OSBP2: variants seen among roughly 807,000 people sequenced by gnomAD.
OSBP2 encodes oxysterol-binding protein 2.
OSBP2 carries 66 observed loss-of-function variants against 96.0 expected under a neutral mutation model. The observed-to-expected ratio is 0.69, with a 90% CI of 0.56 to 0.84. The LOEUF is 0.84. OSBP2 is among the 40% of genes least tolerant of loss of function. The pLI is 0.00. For missense variants in OSBP2, 1,038 were observed against 1,222.7 expected (o/e 0.85, Z 2.25); for synonymous variants, 525 against 520.9 (o/e 1.01, Z -0.11).
intron 12 of OSBP2, among the ~76,000 whole-genome samples, chr22:30,900,392 T>C (rs996051077): frequency 1.3e-5 from 2 of 151,990 alleles, no homozygotes; most frequent in Admixed American, 6.6e-5. Flanking sequence ...GAGAAAGATA[T>C]AATGTTCACG....
chr22:30,889,249 G>A lies in OSBP2; in HGVS notation c.1476+15G>A. ...CAGCAGACAATGTAAGTGAGGGGGA[G>A]CACTGTAAGGGCCAGAAGGCAGCTT... On this transcript the variant is annotated intron_variant, in intron 6 of 13. Transcript: ENST00000332585. 6.2e-7 allele frequency: 1 copy of A among 1,610,734 alleles called. No individual in the cohort carries two copies. Among genetic ancestry groups the A allele is most frequent in the South Asian group, 1.1e-5 (1 of 90,900 alleles).
At chr22:30,730,761 T>TC (rs1406347994) in intron 1 of OSBP2, among the ~76,000 whole-genome samples, 4 of 46,588 alleles carry the variant, frequency 8.6e-5, no homozygotes, top group South Asian at 1.1e-3. Context: ...TCTCTCTCTC[T>TC]CTCTCTCTCT....
At chr22:30,792,480 C>T (rs189202625) in intron 2 of OSBP2, among the ~76,000 whole-genome samples, 25 of 152,196 alleles carry the variant, frequency 1.6e-4, no homozygotes, top group East Asian at 5.8e-4. Context: ...TACAGGCCCA[C>T]GGGTAAAAAG....
At chr22:30,834,479 C>T (rs2038592250) in intron 2 of OSBP2, among the ~76,000 whole-genome samples, 1 of 152,198 alleles carries the variant, frequency 6.6e-6, no homozygotes. Context: ...ATTCCAGTTC[C>T]TCTAAATCCT....
At chr22:30,812,655 C>G (rs889568881) in intron 2 of OSBP2, among the ~76,000 whole-genome samples, 2 of 152,118 alleles carry the variant, frequency 1.3e-5, no homozygotes, top group Admixed American at 1.3e-4. Flanking sequence ...AGTGGAATTG[C>G]TATGTTACAA....
Position 30,843,007 on chromosome 22 carries a change from C to G in OSBP2, c.854-27422C>G, listed in dbSNP as rs552657286. 8.5e-5 allele frequency among the ~76,000 whole-genome samples: 13 copies of G among 152,266 alleles called. No homozygotes were observed. In the East Asian group the frequency reaches 2.5e-3, roughly 29 times the overall value. ...CCACGTTGGCCAGGCTGGTCTCAAA[C>G]TCCTTACCTCAAGTGATCCACCCAC... On this transcript the variant is annotated intron_variant, in intron 2 of 13. Coordinates refer to ENST00000332585, the MANE Select transcript of OSBP2 (RefSeq NM_030758.4).
At chr22:30,696,171 C>T (rs983352296) in intron 1 of OSBP2, among the ~76,000 whole-genome samples, 3 of 152,148 alleles carry the variant, frequency 2.0e-5, no homozygotes, top group Non-Finnish European at 4.4e-5. Flanking sequence ...TTTCTTATTC[C>T]AGACCCAGCA....
chr22:30,745,397 C>T (rs564759967), intron 2 of OSBP2, among the ~76,000 whole-genome samples: 6 of 152,250 alleles, frequency 3.9e-5, no homozygotes, highest in African/African-American at 1.4e-4. Flanking sequence ...TGGTGGCTCA[C>T]GCCTGTAATC....
chr22:30,903,800 A>T (rs1409755434), intron 12 of OSBP2, among the ~76,000 whole-genome samples: 1 of 152,242 alleles, frequency 6.6e-6, no homozygotes, highest in East Asian at 1.9e-4. Context: ...AGTACAGGCA[A>T]CATAATGAGA....
At chr22:30,795,430 TATTAG>T (rs918209965) in intron 2 of OSBP2, among the ~76,000 whole-genome samples, 58 of 152,234 alleles carry the variant, frequency 3.8e-4, no homozygotes, top group African/African-American at 1.4e-3. Flanking sequence ...ATTACATGTA[TATTAG>T]ACTTTTTGAA....
chr22:30,745,130 A>G (rs1311431570), intron 2 of OSBP2, among the ~76,000 whole-genome samples: 2 of 152,204 alleles, frequency 1.3e-5, no homozygotes, highest in Non-Finnish European at 2.9e-5. Context: ...GAAAACAAGA[A>G]CACAGTTTAC....
upstream of OSBP2, chr22:30,693,783 A>G (rs2088968439): frequency 2.7e-6 from 1 of 366,938 alleles, no homozygotes; most frequent in African/African-American, 2.2e-5. Context: ...CCTGACCAAC[A>G]TGGTGAAACC....
intron 2 of OSBP2, among the ~76,000 whole-genome samples, chr22:30,805,205 T>G (rs1000146817): frequency 1.3e-5 from 2 of 152,250 alleles, no homozygotes; most frequent in East Asian, 3.8e-4. Context: ...CATGCAAGCC[T>G]GCATTTATGC....
intron 12 of OSBP2, among the ~76,000 whole-genome samples, chr22:30,905,443 A>G (rs796965545): frequency 1.3e-5 from 2 of 152,022 alleles, no homozygotes; most frequent in African/African-American, 4.8e-5. Flanking sequence ...TGCCCAGCGG[A>G]GACCCTGTCT....
Position 30,870,998 on chromosome 22 carries a change from G to A in OSBP2, c.1107+316G>A, listed in dbSNP as rs564204595. Among the ~76,000 whole-genome samples, 2 of 152,282 alleles carry A rather than the reference G, an allele frequency of 1.3e-5. No individual in the cohort carries two copies. Among genetic ancestry groups the A allele is most frequent in the African/African-American group, 2.4e-5 (1 of 41,558 alleles). On this transcript the variant is annotated intron_variant, in intron 3 of 13. Coordinates refer to ENST00000332585, the MANE Select transcript of OSBP2 (RefSeq NM_030758.4). The surrounding 1 kb of genome is among the most constrained non-coding windows in gnomAD (Gnocchi z 4.1). ...GGCCCCAAGTTAAGTAGCTAGCCCA[G>A]CAGGTCAGTTCTGCCCACACAGTAG...
intron 2 of OSBP2, among the ~76,000 whole-genome samples, chr22:30,802,859 A>ACAGG (rs2090871373): frequency 6.6e-6 from 1 of 152,146 alleles, no homozygotes; most frequent in Non-Finnish European, 1.5e-5. Flanking sequence ...GCTCAGGCTG[A>ACAGG]CGGGCGGGCG....
upstream of OSBP2, chr22:30,694,240 G>A (rs1328681867): frequency 3.9e-6 from 6 of 1,549,886 alleles, no homozygotes; most frequent in Middle Eastern, 1.7e-4. Flanking sequence ...TGGCAGCGAA[G>A]CGCCTTGGCA....
chr22:30,876,418 C>T (rs1471131984), intron 3 of OSBP2, among the ~76,000 whole-genome samples: 2 of 152,232 alleles, frequency 1.3e-5, no homozygotes, highest in African/African-American at 4.8e-5. Flanking sequence ...CGCCCCACTG[C>T]CCTGGAAAGG....
chr22:30,869,781 T>C (rs1057215779), intron 2 of OSBP2, among the ~76,000 whole-genome samples: 9 of 152,176 alleles, frequency 5.9e-5, no homozygotes, highest in Non-Finnish European at 1.0e-4. Flanking sequence ...GAAGGTGGCA[T>C]TGGGCTGGCC....
Sources: gnomAD v4.1 joint callset for allele counts (sites outside exome capture counted in the v4.1 genomes callset) on GRCh38, gnomAD v4.1.1 for gene constraint, Gnocchi (gnomAD v3.1) non-coding constraint, MANE v1.5 for transcripts, NCBI Gene and HGNC (gene_info 2026-07-23, HGNC 2026-07-21) for gene names.